Variants in EYS observed in about 807,000 individuals in gnomAD.
The protein encoded by EYS is EGF-like photoreceptor maintenance factor.
Under a neutral mutation model 282.1 loss-of-function variants are expected in EYS, and 250 were observed. The observed-to-expected ratio is 0.89, with a 90% confidence interval of 0.80 to 0.98. EYS has a LOEUF of 0.98. Among genes scored for constraint, EYS ranks in the 50% least tolerant of loss-of-function variants. The pLI is 0.00. For synonymous variants in EYS, 1,355 were observed against 1,282.9 expected, an observed-to-expected ratio of 1.06 and a Z score of -1.20; for missense variants, 4,016 against 3,709.0, an observed-to-expected ratio of 1.08 and a Z score of -2.15.
In EYS at chr6:65,201,555, T is replaced by A. The variant is rs184959243; in HGVS notation, c.2023+94308A>T. Among the ~76,000 whole-genome samples the A allele has an allele frequency of 4.9e-4, 74 of 152,318 alleles. 1 individual carries two copies. The highest frequency in any genetic ancestry group is 1.7e-3 in the African/African-American group (72 of 41,582). ...TGGTGAATAATGTCATCTTCCACCA[T>A]CTTATGCTAATGTATAACTAATTAT... On this transcript the variant is annotated intron_variant, in intron 12 of 42. Coordinates refer to ENST00000503581, the MANE Select transcript of EYS (RefSeq NM_001142800.2).
intron 35 of EYS, among the ~76,000 whole-genome samples, chr6:63,916,511 G>A (rs1424281239): frequency 6.6e-6 from 1 of 152,052 alleles, no homozygotes; most frequent in African/African-American, 2.4e-5. Context: ...CCATTTGTGT[G>A]TTTCTTTGGA....
chr6:64,563,401 GTATAATCAT>G (rs959362385), intron 26 of EYS, among the ~76,000 whole-genome samples: 1 of 151,934 alleles, frequency 6.6e-6, no homozygotes, highest in African/African-American at 2.4e-5. Flanking sequence ...ACAAACACGA[GTATAATCAT>G]TAATAATTAA....
Position 64,742,988 on chromosome 6 carries a change from T to C in EYS, c.3443+70390A>G, listed in dbSNP as rs1469203327. On this transcript the variant is annotated intron_variant, in intron 22 of 42. Coordinates refer to ENST00000503581, the MANE Select transcript of EYS (RefSeq NM_001142800.2). ...ATACGGAAGACTTAAGATTAAAGGA[T>C]TTAGTCTCTTTCCTCCCATACTGTG... Among the ~76,000 whole-genome samples, 4 of 152,220 alleles carry C rather than the reference T, an allele frequency of 2.6e-5. No individual in the cohort carries two copies. In the East Asian group the frequency reaches 5.8e-4, roughly 22 times the overall value.
At chr6:64,921,462 A>T (rs984395116) in intron 15 of EYS, among the ~76,000 whole-genome samples, 1 of 152,214 alleles carries the variant, frequency 6.6e-6, no homozygotes, top group African/African-American at 2.4e-5. Context: ...AAAGAGAAGC[A>T]AAATAATTAT....
At chr6:64,895,778 AG>A (rs1767440727) in intron 18 of EYS, among the ~76,000 whole-genome samples, 1 of 152,156 alleles carries the variant, frequency 6.6e-6, no homozygotes, top group South Asian at 2.1e-4. Context: ...AAGTGTGCAA[AG>A]AATGAGATAA....
intron 22 of EYS, among the ~76,000 whole-genome samples, chr6:64,750,992 C>G (rs1320315933): frequency 2.6e-5 from 4 of 152,074 alleles, no homozygotes; most frequent in Non-Finnish European, 5.9e-5. Flanking sequence ...CTTGGAGCAC[C>G]TATTCTTCTA....
At chr6:64,262,948 C>A (rs936237409) in intron 30 of EYS, among the ~76,000 whole-genome samples, 16 of 151,980 alleles carry the variant, frequency 1.1e-4, no homozygotes, top group African/African-American at 3.9e-4. Context: ...CATTATTACA[C>A]TGGTGCTAAA....
At chr6:65,140,012 T>C (rs1764288195) in intron 12 of EYS, among the ~76,000 whole-genome samples, 1 of 151,948 alleles carries the variant, frequency 6.6e-6, no homozygotes, top group Non-Finnish European at 1.5e-5. Flanking sequence ...ACTTATGTTT[T>C]CCAAGTAAAT....
intron 31 of EYS, among the ~76,000 whole-genome samples, chr6:64,158,250 C>A (rs934838557): frequency 2.0e-5 from 3 of 152,168 alleles, no homozygotes; most frequent in Non-Finnish European, 4.4e-5. Context: ...CTCTTATTCA[C>A]TGAATTATTT....
intron 19 of EYS, among the ~76,000 whole-genome samples, chr6:64,870,250 T>C (rs903462000): frequency 1.3e-5 from 2 of 151,606 alleles, no homozygotes; most frequent in Non-Finnish European, 3.0e-5. Context: ...AAAAGTGCTA[T>C]TCATAACAGC....
At chr6:64,728,107 G>A (rs540228566) in intron 22 of EYS, among the ~76,000 whole-genome samples, 22 of 152,250 alleles carry the variant, frequency 1.4e-4, no homozygotes, top group African/African-American at 4.8e-4. Flanking sequence ...GGGAGTGCAG[G>A]TGAACAGGTG....
intron 36 of EYS, among the ~76,000 whole-genome samples, chr6:63,846,167 G>C (rs1772092215): frequency 6.6e-6 from 1 of 152,072 alleles, no homozygotes; most frequent in African/African-American, 2.4e-5. Flanking sequence ...AAATGCAACG[G>C]ATATAGCTAT....
chr6:64,635,478 T>G (rs929734270), intron 22 of EYS, among the ~76,000 whole-genome samples: 3 of 152,200 alleles, frequency 2.0e-5, no homozygotes, highest in Non-Finnish European at 4.4e-5. Context: ...ATAGCTCTTA[T>G]TATTTTGAGA....
intron 40 of EYS, among the ~76,000 whole-genome samples, chr6:63,765,107 G>GT (rs1431253170): frequency 1.3e-5 from 2 of 151,938 alleles, no homozygotes; most frequent in Admixed American, 1.3e-4. Context: ...AATGGGCAAT[G>GT]TAAAAACAAA....
chr6:65,549,806 G>C (rs1337306432), intron 2 of EYS, among the ~76,000 whole-genome samples: 3 of 152,148 alleles, frequency 2.0e-5, no homozygotes, highest in Non-Finnish European at 4.4e-5. Context: ...AGTCAACCCT[G>C]TCTGCCTATC....
chr6:65,135,934 A>T (rs910034720), intron 12 of EYS, among the ~76,000 whole-genome samples: 4 of 152,128 alleles, frequency 2.6e-5, no homozygotes, highest in African/African-American at 9.6e-5. Context: ...TCTTTTAAAA[A>T]TTCTGTAAAA....
At chr6:65,124,393 A>G (rs1189429926) in intron 12 of EYS, among the ~76,000 whole-genome samples, 1 of 152,144 alleles carries the variant, frequency 6.6e-6, no homozygotes, top group African/African-American at 2.4e-5. Context: ...TGAACTCAAG[A>G]GTCTTTAGAA....
chr6:64,011,943 T>G (rs1481060649), intron 33 of EYS, among the ~76,000 whole-genome samples: 1 of 151,984 alleles, frequency 6.6e-6, no homozygotes, highest in Non-Finnish European at 1.5e-5. Flanking sequence ...AACACTGGCT[T>G]GTTTATTTTA....
chr6:64,879,105 G>A (rs1404775185), intron 19 of EYS, among the ~76,000 whole-genome samples: 1 of 152,136 alleles, frequency 6.6e-6, no homozygotes, highest in African/African-American at 2.4e-5. Flanking sequence ...TTTTTGAACA[G>A]AACTATCTAA....
Sources: allele counts gnomAD v4.1 joint callset (sites outside exome capture counted in the v4.1 genomes callset), GRCh38; gene constraint gnomAD v4.1.1; transcripts MANE v1.5; gene names NCBI Gene and HGNC (gene_info 2026-07-23, HGNC 2026-07-21).